ASTN2: variants seen among roughly 807,000 people sequenced by gnomAD.
ASTN2 encodes the protein astrotactin 2.
ASTN2 carries 54 observed loss-of-function variants against 139.8 expected under a neutral mutation model. The observed-to-expected ratio is 0.39, with a 90% CI of 0.31 to 0.48. The LOEUF (loss-of-function observed/expected upper bound fraction) is 0.48, where lower values mean the gene tolerates loss of function less well. ASTN2 is among the 20% of genes least tolerant of loss of function. The pLI is 0.95. For synonymous variants in ASTN2, 756 were observed against 719.5 expected, an observed-to-expected ratio of 1.05 and a Z score of -0.81; for missense variants, 1,565 against 1,725.1, an observed-to-expected ratio of 0.91 and a Z score of 1.64.
At chr9:117,309,382 G>C (rs1043266008) in intron 1 of ASTN2, among the ~76,000 whole-genome samples, 1 of 152,212 alleles carries the variant, frequency 6.6e-6, no homozygotes, top group African/African-American at 2.4e-5. Flanking sequence ...GGTTAAAAAA[G>C]ATGAAGTGGC....
chr9:117,305,933 C>T (rs907702876), intron 1 of ASTN2, among the ~76,000 whole-genome samples: 11 of 152,166 alleles, frequency 7.2e-5, no homozygotes, highest in African/African-American at 9.7e-5. Flanking sequence ...ATCTCCTCTG[C>T]GGTGCTACAC....
At chr9:116,488,823 A>T (rs1457082514) in intron 19 of ASTN2, among the ~76,000 whole-genome samples, 1 of 152,206 alleles carries the variant, frequency 6.6e-6, no homozygotes, top group African/African-American at 2.4e-5. Context: ...TATTTTAAAA[A>T]TTATCTTCAA....
chr9:117,169,182 G>A (rs972426354), intron 3 of ASTN2, among the ~76,000 whole-genome samples: 2 of 144,118 alleles, frequency 1.4e-5, no homozygotes, highest in Non-Finnish European at 3.0e-5. Flanking sequence ...TCTTGCCTGA[G>A]GGAAAATAAA....
intron 16 of ASTN2, among the ~76,000 whole-genome samples, chr9:116,654,090 G>C (rs990101582): frequency 5.3e-5 from 8 of 152,308 alleles, no homozygotes; most frequent in African/African-American, 1.9e-4. Context: ...ATAGCCGTTC[G>C]GGGAGAAGGT....
chr9:116,617,441 T>C (rs183462293), intron 19 of ASTN2, among the ~76,000 whole-genome samples: 1 of 152,356 alleles, frequency 6.6e-6, no homozygotes, highest in East Asian at 1.9e-4. Flanking sequence ...TCTTGGAGTT[T>C]ATAATTTAAT....
intron 1 of ASTN2, among the ~76,000 whole-genome samples, chr9:117,319,429 T>C (rs1056453700): frequency 6.6e-6 from 1 of 152,208 alleles, no homozygotes; most frequent in African/African-American, 2.4e-5. Flanking sequence ...AAGGCATTAA[T>C]ATTATTTTTC....
intron 1 of ASTN2, among the ~76,000 whole-genome samples, chr9:117,328,663 G>T (rs947490489): frequency 6.6e-5 from 10 of 152,294 alleles, no homozygotes; most frequent in Admixed American, 1.3e-4. Context: ...TCATCCCAGG[G>T]AAATGGGCAC....
intron 22 of ASTN2, among the ~76,000 whole-genome samples, chr9:116,434,101 G>A (rs552286115): frequency 8.6e-5 from 13 of 151,974 alleles, no homozygotes; most frequent in Non-Finnish European, 1.8e-4. Context: ...ATTAGTATGA[G>A]TATTTATTTG....
chr9:117,396,496 G>C (rs1216270993), intron 1 of ASTN2, among the ~76,000 whole-genome samples: 1 of 152,224 alleles, frequency 6.6e-6, no homozygotes, highest in East Asian at 1.9e-4. Flanking sequence ...TAAAGAAATA[G>C]TTTACTTTTT....
chr9:117,140,354 G>A (rs555397133), intron 4 of ASTN2, among the ~76,000 whole-genome samples: 1 of 152,164 alleles, frequency 6.6e-6, no homozygotes, highest in East Asian at 1.9e-4. Flanking sequence ...AAAGGGGGAT[G>A]ACCTGATCAG....
At chr9:116,911,598 T>C (rs28611291) in intron 10 of ASTN2, among the ~76,000 whole-genome samples, 3 of 152,174 alleles carry the variant, frequency 2.0e-5, no homozygotes, top group Non-Finnish European at 4.4e-5. Flanking sequence ...TAAAGTAAGT[T>C]GTTAACATTA....
At chr9:116,590,158 G>A (rs896272265) in intron 19 of ASTN2, among the ~76,000 whole-genome samples, 1 of 152,180 alleles carries the variant, frequency 6.6e-6, no homozygotes, top group African/African-American at 2.4e-5. Context: ...TTCCAAGTTG[G>A]AGGAGCGGGA....
chr9:116,481,576 T>C (rs1338274820), intron 20 of ASTN2, among the ~76,000 whole-genome samples: 4 of 152,166 alleles, frequency 2.6e-5, no homozygotes, highest in African/African-American at 4.8e-5. Context: ...TTGAAAAACA[T>C]AGAGTGGCAC....
chr9:117,072,213 G>A lies in ASTN2; in HGVS notation c.1276+23831C>T, dbSNP rs115200694. On this transcript the variant is annotated intron_variant, in intron 5 of 22. Coordinates refer to ENST00000313400, the MANE Select transcript of ASTN2 (RefSeq NM_001365068.1). ...TTGCTGAGTAATAAATTATTCTATC[G>A]TTTCCAAGAATGAAGCCTCTTTGGA... Among the ~76,000 whole-genome samples, 681 of 152,122 alleles carry A rather than the reference G, an allele frequency of 4.5e-3. 4 individuals are homozygous for A. Among genetic ancestry groups the A allele is most frequent in the African/African-American group, 0.015 (628 of 41,426 alleles).
At chr9:117,185,847 A>C (rs894461182) in intron 3 of ASTN2, among the ~76,000 whole-genome samples, 2 of 152,194 alleles carry the variant, frequency 1.3e-5, no homozygotes, top group Non-Finnish European at 2.9e-5. Context: ...AGATTCATGA[A>C]TTTAGCAGAG....
intron 1 of ASTN2, among the ~76,000 whole-genome samples, chr9:117,400,054 A>T (rs1395340227): frequency 6.6e-6 from 1 of 152,238 alleles, no homozygotes. Context: ...ATTCTGCAGC[A>T]AACCAGACTG....
intron 19 of ASTN2, chr9:116,569,019 G>A (rs1322401243): frequency 6.6e-6 from 1 of 152,170 alleles, no homozygotes; most frequent in Non-Finnish European, 1.5e-5. Context: ...GGAACAGTAG[G>A]TAGGGAAGCA....
At chr9:117,307,117 C>A (rs140600730) in intron 1 of ASTN2, among the ~76,000 whole-genome samples, 2 of 152,154 alleles carry the variant, frequency 1.3e-5, no homozygotes, top group Admixed American at 1.3e-4. Flanking sequence ...AATGTTCAAC[C>A]GGGGGAACAC....
intron 3 of ASTN2, among the ~76,000 whole-genome samples, chr9:117,179,433 A>C (rs1831001232): frequency 6.6e-6 from 1 of 152,074 alleles, no homozygotes; most frequent in South Asian, 2.1e-4. Flanking sequence ...TCCATCTCCC[A>C]CATGGTGAAC....
Sources: allele counts gnomAD v4.1 joint callset (sites outside exome capture counted in the v4.1 genomes callset), GRCh38; gene constraint gnomAD v4.1.1; transcripts MANE v1.5; gene names NCBI Gene and HGNC (gene_info 2026-07-23, HGNC 2026-07-21).